The following ROR2 variants were observed in gnomAD, a reference collection of about 807,000 sequenced individuals.
The protein encoded by ROR2 is ROR family WNT receptor 2.
Under a neutral mutation model 74.9 loss-of-function variants are expected in ROR2, and 33 were observed. The observed-to-expected ratio is 0.44, with a 90% CI of 0.33 to 0.59. The LOEUF (loss-of-function observed/expected upper bound fraction) is 0.59, where lower values mean the gene tolerates loss of function less well. Ranked by LOEUF, ROR2 falls within the 20% of genes least tolerant of loss-of-function variation. The pLI is 0.02. For synonymous variants in ROR2, 586 were observed against 558.7 expected (o/e 1.05, Z -0.69); for missense variants, 1,216 against 1,313.8 (o/e 0.93, Z 1.15).
At chr9:91,918,038 G>A (rs190064565) in intron 1 of ROR2, among the ~76,000 whole-genome samples, 10 of 152,146 alleles carry the variant, frequency 6.6e-5, no homozygotes, top group Non-Finnish European at 1.5e-4. Context: ...TTGGGAGGCC[G>A]AGACAGGCGG....
At chr9:91,756,974 T>C (rs1310043210) in intron 3 of ROR2, among the ~76,000 whole-genome samples, 1 of 152,062 alleles carries the variant, frequency 6.6e-6, no homozygotes, top group African/African-American at 2.4e-5. Flanking sequence ...ACTACCATGT[T>C]GGCTAGGCTG....
intron 1 of ROR2, among the ~76,000 whole-genome samples, chr9:91,828,049 T>C (rs561270211): frequency 6.6e-5 from 10 of 152,408 alleles, no homozygotes; most frequent in East Asian, 5.8e-4. Context: ...AGGATCCTTT[T>C]GTCCAGCATC....
intron 1 of ROR2, among the ~76,000 whole-genome samples, chr9:91,865,788 G>A (rs1826475240): frequency 2.6e-5 from 4 of 152,196 alleles, no homozygotes; most frequent in South Asian, 2.1e-4. Flanking sequence ...CCTGCCTAAG[G>A]TGACTTCTGA....
intron 1 of ROR2, among the ~76,000 whole-genome samples, chr9:91,889,390 G>A (rs551729783): frequency 2.6e-5 from 4 of 152,266 alleles, no homozygotes; most frequent in South Asian, 4.2e-4. Context: ...CCATGAAGGC[G>A]CCCCAATAGG....
At chr9:91,896,988 G>A (rs749406534) in intron 1 of ROR2, among the ~76,000 whole-genome samples, 2 of 152,208 alleles carry the variant, frequency 1.3e-5, no homozygotes, top group African/African-American at 4.8e-5. Flanking sequence ...TAAAGAGCGA[G>A]TGGGAGCAAA....
At chr9:91,897,821 A>ACTT (rs1451396494) in intron 1 of ROR2, among the ~76,000 whole-genome samples, 1 of 152,136 alleles carries the variant, frequency 6.6e-6, no homozygotes, top group African/African-American at 2.4e-5. Flanking sequence ...GGTCACCAAG[A>ACTT]CTTCCCTCCC....
intron 1 of ROR2, among the ~76,000 whole-genome samples, chr9:91,814,085 G>A (rs939915891): frequency 1.3e-5 from 2 of 152,224 alleles, no homozygotes; most frequent in African/African-American, 2.4e-5. Flanking sequence ...TTACTTAGGA[G>A]GCTAAGGCAA....
intron 1 of ROR2, among the ~76,000 whole-genome samples, chr9:91,858,364 C>T (rs1041822779): frequency 3.3e-5 from 5 of 152,192 alleles, no homozygotes; most frequent in Non-Finnish European, 5.9e-5. Context: ...GGCACACACA[C>T]GAACGCACAA....
intron 4 of ROR2, among the ~76,000 whole-genome samples, chr9:91,750,086 G>A (rs1262638581): frequency 6.6e-6 from 1 of 152,150 alleles, no homozygotes; most frequent in Non-Finnish European, 1.5e-5. Context: ...ATTTTTAGTA[G>A]AGATGGGGTT....
chr9:91,835,704 T>C (rs951736104), intron 1 of ROR2, among the ~76,000 whole-genome samples: 2 of 151,792 alleles, frequency 1.3e-5, no homozygotes, highest in Non-Finnish European at 2.9e-5. Context: ...CCAGCAGGGG[T>C]GGGAGGGAAA....
chr9:91,917,410 A>G (rs1831164123), intron 1 of ROR2, among the ~76,000 whole-genome samples: 1 of 152,216 alleles, frequency 6.6e-6, no homozygotes, highest in Non-Finnish European at 1.5e-5. Context: ...ATGTCACAAA[A>G]AAGGACCCAG....
chr9:91,941,487 T>C (rs1783250904), intron 1 of ROR2, among the ~76,000 whole-genome samples: 1 of 152,182 alleles, frequency 6.6e-6, no homozygotes, highest in African/African-American at 2.4e-5. Context: ...GCAGCGTGTA[T>C]GTCCTATGAG....
chr9:91,829,432 C>G (rs905167490), intron 1 of ROR2, among the ~76,000 whole-genome samples: 6 of 151,772 alleles, frequency 4.0e-5, no homozygotes, highest in African/African-American at 1.5e-4. Context: ...CAACTGTAAT[C>G]CCAGCTGCTC....
intron 1 of ROR2, among the ~76,000 whole-genome samples, chr9:91,792,584 AG>A (rs1426586991): frequency 1.3e-5 from 2 of 152,314 alleles, no homozygotes; most frequent in South Asian, 2.1e-4. Flanking sequence ...CTGGGATTAC[AG>A]GCATGAGCCA....
chr9:91,920,638 T>C (rs1587847676), intron 1 of ROR2, among the ~76,000 whole-genome samples: 1 of 152,204 alleles, frequency 6.6e-6, no homozygotes, highest in East Asian at 1.9e-4. Context: ...AAACACCTGG[T>C]CTGTCTCAGG....
At chr9:91,731,258 T>A (rs1837235002) in intron 6 of ROR2, 103 bp from the exon 7 acceptor site, 1 of 1,531,284 alleles carries the variant, frequency 6.5e-7, no homozygotes, top group South Asian at 1.1e-5. Flanking sequence ...GGATTTTACA[T>A]AACTTACCAG....
At chr9:91,851,993 A>C (rs780897206) in intron 1 of ROR2, among the ~76,000 whole-genome samples, 5 of 151,040 alleles carry the variant, frequency 3.3e-5, no homozygotes, top group Non-Finnish European at 4.4e-5. Flanking sequence ...AAAAAAAGAC[A>C]ATAGGGTTTT....
intron 1 of ROR2, among the ~76,000 whole-genome samples, chr9:91,907,122 G>A (rs374431984): frequency 6.6e-6 from 1 of 152,176 alleles, no homozygotes; most frequent in South Asian, 2.1e-4. Flanking sequence ...TCTCACAGCA[G>A]CGTATGAAAT....
intron 1 of ROR2, among the ~76,000 whole-genome samples, chr9:91,848,764 GAAA>G (rs36044426): frequency 4.8e-5 from 5 of 103,752 alleles, no homozygotes; most frequent in Non-Finnish European, 8.0e-5. Context: ...CAGGGGGGAA[GAAA>G]AAAAAAAAAA....
Sources: gnomAD v4.1 joint callset for allele counts (sites outside exome capture counted in the v4.1 genomes callset) on GRCh38, gnomAD v4.1.1 for gene constraint, MANE v1.5 for transcripts, NCBI Gene and HGNC (gene_info 2026-07-23, HGNC 2026-07-21) for gene names.